Variants in CLCC1 observed in about 807,000 individuals in gnomAD.
The protein encoded by CLCC1 is chloride channel CLIC-like protein 1.
In CLCC1, 39 loss-of-function variants were observed where a neutral mutation model predicts 63.3. The observed-to-expected ratio is 0.62, with a 90% CI of 0.48 to 0.81. The LOEUF (loss-of-function observed/expected upper bound fraction) is 0.81, where lower values mean the gene tolerates loss of function less well. Ranked by LOEUF, CLCC1 falls within the 30% of genes least tolerant of loss-of-function variation. The pLI is 0.00. For synonymous variants in CLCC1, 217 were observed against 239.8 expected (o/e 0.90, Z 0.88); for missense variants, 549 against 669.4 (o/e 0.82, Z 1.98).
intron 2 of CLCC1, among the ~76,000 whole-genome samples, chr1:108,954,340 C>A (rs1655590405): frequency 6.6e-6 from 1 of 150,866 alleles, no homozygotes; most frequent in Non-Finnish European, 1.5e-5. Context: ...ACAACAACAA[C>A]AAAAATTAGC....
Position 108,943,480 on chromosome 1 carries a change from A to G in CLCC1, c.697T>C (p.Tyr233His). The G allele has an allele frequency of 6.2e-7, 1 of 1,613,620 alleles. No homozygotes were observed. The highest frequency in any genetic ancestry group is 8.5e-7 in the Non-Finnish European group (1 of 1,179,728). Residue 233 changes from tyrosine (Y) to histidine (H), a missense_variant, in exon 7 of 13, where the codon TAT becomes CAT. Transcript: ENST00000369969. ...FSLGWNWMYL[Y>H]KLAFAQHQAE... ...ACCCTCCATCCATATAATACCTTAT[A>G]TAAATACATCCAATTCCATCCCAAA...
Position 108,929,843 on chromosome 1 carries a change from A to C in CLCC1, c.*2704T>G. On this transcript the variant is annotated 3_prime_UTR_variant, in exon 13 of 13. Coordinates refer to ENST00000369969, the MANE Select transcript of CLCC1 (RefSeq NM_001377458.1). ...GAACAGAGAGTTCTTTTACAAAGAG[A>C]TCAAAACAGAGACACTGACTTTGGG... The C allele has an allele frequency of 1.2e-6, 2 of 1,614,090 alleles. No individual in the cohort carries two copies. Among genetic ancestry groups the C allele is most frequent in the African/African-American group, 2.7e-5 (2 of 75,040 alleles).
intron 4 of CLCC1, 30 bp from the exon 5 acceptor site, chr1:108,947,748 T>C: frequency 1.4e-6 from 2 of 1,435,218 alleles, no homozygotes; most frequent in Non-Finnish European, 1.9e-6. Context: ...TCAACATTAG[T>C]TAGAGTCAAA....
rs370738174 is a variant in CLCC1 at position 108,937,491 on chromosome 1, A to C, written c.1042-73T>G. 3 of 1,223,850 alleles carry C rather than the reference A, an allele frequency of 2.5e-6. No homozygotes were observed. The African/African-American group carries it at 4.6e-5, about 19-fold the overall frequency. 75.8% of individuals were successfully genotyped at this position (1,223,850 alleles called of 1,614,324 possible). On this transcript the variant is annotated intron_variant, in intron 10 of 12. Coordinates refer to ENST00000369969, the MANE Select transcript of CLCC1 (RefSeq NM_001377458.1). ...ACAAAAGTTATGAGGCATTTTATTC[A>C]GAGTGCTAACAAAGTTATGTAATTT...
chr1:108,931,507 T>A lies in CLCC1; in HGVS notation c.*1040A>T. On this transcript the variant is annotated 3_prime_UTR_variant, in exon 13 of 13. Coordinates refer to ENST00000369969, the MANE Select transcript of CLCC1 (RefSeq NM_001377458.1). ...ACAGCTGGGATGGGATCTGGGGATGTGGACCCCTATTCTTTCAAAAAGTCA... is the reference window on the plus strand; with the variant it reads ...ACAGCTGGGATGGGATCTGGGGATGAGGACCCCTATTCTTTCAAAAAGTCA... The A allele has an allele frequency of 6.5e-7, 1 of 1,546,712 alleles. No homozygotes were observed. The highest frequency in any genetic ancestry group is 8.7e-7 in the Non-Finnish European group (1 of 1,145,168).
chr1:108,949,286 C>T (rs1654908458), intron 4 of CLCC1, among the ~76,000 whole-genome samples: 1 of 152,180 alleles, frequency 6.6e-6, no homozygotes, highest in Non-Finnish European at 1.5e-5. Flanking sequence ...AGGGTGGCTC[C>T]CACAGCACAT....
At position 108,947,692 on chromosome 1, in the gene CLCC1, CCT is replaced by C. The variant is rs773248228; in HGVS notation, c.256_257del (p.Arg86GlyfsTer4). On this transcript the variant is annotated frameshift_variant, in exon 5 of 13. Transcript: ENST00000369969. LOFTEE classifies it high-confidence loss of function. ...YKIDECEKKK[R>X]EDYESQSNPV... The stretch of plus-strand genomic sequence containing the variant: ...GATTGCTTTGACTTTCATAGTCTTC[CCT>C]CTTTTTCTTTTCACACTCATCAATC... The C allele has an allele frequency of 4.3e-6, 7 of 1,609,210 alleles. No homozygotes were observed. Among genetic ancestry groups the C allele is most frequent in the Non-Finnish European group, 1.7e-6 (2 of 1,177,538 alleles).
At position 108,943,905 on chromosome 1, in the gene CLCC1, A is replaced by G. The variant is rs1382447835; in HGVS notation, c.492T>C (p.Phe164=). Residue 164 remains phenylalanine (F), a synonymous_variant, in exon 6 of 13, where the codon TTT becomes TTC. Coordinates refer to ENST00000369969, the MANE Select transcript of CLCC1 (RefSeq NM_001377458.1). ...GCCACTTCCATGTTTCAAAATCATG[A>G]AACTTAAAATTAATTAAAATATCAC... is the stretch of plus-strand genomic sequence containing the variant. ...ALSDILINFK[F]HDFETWKWRF... is the part of the protein sequence containing the mutation. The G allele has an allele frequency of 1.2e-6, 2 of 1,613,960 alleles. No homozygotes were observed. Among genetic ancestry groups the G allele is most frequent in the South Asian group, 2.2e-5 (2 of 91,038 alleles).
At chr1:108,935,050 T>G in intron 11 of CLCC1, 108 bp from the exon 12 acceptor site, 1 of 1,077,072 alleles carries the variant, frequency 9.3e-7, no homozygotes, top group Non-Finnish European at 1.3e-6. Context: ...AGCTCCAAAC[T>G]CTTTCAAATC....
At chr1:108,943,647 C>G (rs41336244) in intron 6 of CLCC1, 32 bp from the exon 7 acceptor site, 2 of 1,610,646 alleles carry the variant, frequency 1.2e-6, no homozygotes, top group East Asian at 4.5e-5. Context: ...AATCAGCCAC[C>G]AAAAACACTT....
intron 11 of CLCC1, 21 bp downstream of exon 11, chr1:108,937,056 A>AT: frequency 6.8e-7 from 1 of 1,462,574 alleles, no homozygotes; most frequent in South Asian, 1.5e-5. Flanking sequence ...GGACAGCAGA[A>AT]TAAAAGAGTT....
At chr1:108,932,896 T>C (rs1652253417) in intron 12 of CLCC1, 1 of 152,220 alleles carries the variant, frequency 6.6e-6, no homozygotes, top group African/African-American at 2.4e-5. Flanking sequence ...AACTAGAATA[T>C]ATTAACATGT....
At chr1:108,935,589 A>AC in intron 11 of CLCC1, among the ~76,000 whole-genome samples, 1 of 152,120 alleles carries the variant, frequency 6.6e-6, no homozygotes, top group East Asian at 1.9e-4. Flanking sequence ...TAACAGCAAG[A>AC]CCCCATATCC....
intron 10 of CLCC1, among the ~76,000 whole-genome samples, chr1:108,939,324 T>G (rs940087753): frequency 1.4e-5 from 2 of 146,964 alleles, no homozygotes; most frequent in Non-Finnish European, 3.0e-5. Context: ...TTTTTTTTTT[T>G]GAGACGGAAT....
chr1:108,939,923 G>T, intron 9 of CLCC1, 122 bp downstream of exon 9: 1 of 1,268,694 alleles, frequency 7.9e-7, no homozygotes, highest in East Asian at 2.4e-5. Context: ...GAAAATCACT[G>T]TGCAAAAGTA....
chr1:108,962,647 T>C (rs1656803801), intron 1 of CLCC1, among the ~76,000 whole-genome samples, 178 bp from the exon 2 acceptor site: 1 of 152,258 alleles, frequency 6.6e-6, no homozygotes, highest in African/African-American at 2.4e-5. Flanking sequence ...GATGGGAAGA[T>C]CCTTTGAGCC....
At position 108,931,389 on chromosome 1, in the gene CLCC1, T is replaced by G. The variant is rs964126423; in HGVS notation, c.*1158A>C. On this transcript the variant is annotated 3_prime_UTR_variant, in exon 13 of 13. Coordinates refer to ENST00000369969, the MANE Select transcript of CLCC1 (RefSeq NM_001377458.1). ...AGCAAAAGACAAGTATGGGACAGAC[T>G]GGGACCTGGAGTAACACTGGATCAC... 9 of 1,551,192 alleles carry G rather than the reference T, an allele frequency of 5.8e-6. No homozygotes were observed. The highest frequency in any genetic ancestry group is 7.0e-6 in the Non-Finnish European group (8 of 1,147,130).
chr1:108,955,717 A>C (rs1263038160), intron 2 of CLCC1, among the ~76,000 whole-genome samples: 1 of 151,268 alleles, frequency 6.6e-6, no homozygotes, highest in East Asian at 1.9e-4. Flanking sequence ...GGGGACCCTA[A>C]TACAACAAAA....
At chr1:108,943,750 G>A (rs1260111416) in intron 6 of CLCC1, 86 bp downstream of exon 6, 2 of 1,422,464 alleles carry the variant, frequency 1.4e-6, no homozygotes, top group African/African-American at 1.4e-5. Context: ...ACCTAGTACA[G>A]GTTCTTAACG....
Sources: gnomAD v4.1 joint callset for allele counts (sites outside exome capture counted in the v4.1 genomes callset) on GRCh38, gnomAD v4.1.1 for gene constraint, MANE v1.5 for transcripts, NCBI Gene and HGNC (gene_info 2026-07-23, HGNC 2026-07-21) for gene names.